RTL4: variants seen among roughly 807,000 people sequenced by gnomAD.
RTL4 encodes retrotransposon Gag-like protein 4.
RTL4 carries 4 observed loss-of-function variants against 5.3 expected under a neutral mutation model. The ratio of observed to expected loss-of-function variants is 0.75; its 90% CI spans 0.37 to 1.72. The LOEUF (loss-of-function observed/expected upper bound fraction) is 1.72. Among genes scored for constraint, RTL4 ranks in the 40% most tolerant of loss-of-function variants. The pLI, the probability that RTL4 is intolerant of heterozygous loss-of-function variation, is 0.04. For missense variants in RTL4, 260 were observed against 227.1 expected (o/e 1.14, Z -0.93); for synonymous variants, 98 against 87.3 (o/e 1.12, Z -0.68).
the RTL4 span, among the ~76,000 whole-genome samples, chrX:112,194,152 A>G: frequency 8.9e-6 from 1 of 112,015 alleles, no homozygotes; most frequent in Non-Finnish European, 1.9e-5. Flanking sequence ...TGCATAACCA[A>G]TAGTTTATCT....
Position 112,455,600 on chromosome X carries a change from G to A in RTL4, c.872G>A (p.Arg291Lys), listed in dbSNP as rs142493701. The change falls in exon 1 of 1, where the codon AGA (arginine) becomes AAA (lysine). Residue 291 changes from arginine to lysine, a missense_variant. Coordinates refer to ENST00000340433, the Ensembl canonical transcript of RTL4. ...TGCAGCCAATCTGGTCACTTCACAA[G>A]AGATTGCCTTGCCAAACGTTCTCGA... The A allele has an allele frequency of 4.3e-5, 52 of 1,209,533 alleles. No individual in the cohort carries two copies. The African/African-American group carries it at 8.4e-4, about 20-fold the overall frequency.
the RTL4 span, among the ~76,000 whole-genome samples, chrX:112,197,479 C>A: frequency 1.9e-5 from 2 of 104,811 alleles, no homozygotes; most frequent in East Asian, 6.1e-4. Context: ...TGTAATGTAG[C>A]CTTTACTGGT....
At chrX:112,225,407 A>G in the RTL4 span, among the ~76,000 whole-genome samples, 1 of 111,824 alleles carries the variant, frequency 8.9e-6, no homozygotes, top group Non-Finnish European at 1.9e-5. Context: ...TTTTGTTGCC[A>G]ACTTCTTTAT....
At chrX:112,310,849 T>A in the RTL4 span, among the ~76,000 whole-genome samples, 2 of 89,444 alleles carry the variant, frequency 2.2e-5, no homozygotes, top group Admixed American at 3.1e-4. Flanking sequence ...ATATATAAAA[T>A]ACATTATATA....
chrX:112,399,040 T>G, the RTL4 span, among the ~76,000 whole-genome samples: 22 of 112,187 alleles, frequency 2.0e-4, no homozygotes, highest in African/African-American at 6.5e-4. Context: ...CCTTGATAGT[T>G]TGTGTCTTTC....
At chrX:112,347,718 C>G in the RTL4 span, among the ~76,000 whole-genome samples, 1 of 111,507 alleles carries the variant, frequency 9.0e-6, no homozygotes, top group East Asian at 2.8e-4. Context: ...GGCTAATCAA[C>G]CATCAAATAA....
At chrX:112,438,848 C>T in the RTL4 span, among the ~76,000 whole-genome samples, 2 of 112,257 alleles carry the variant, frequency 1.8e-5, no homozygotes, top group African/African-American at 6.5e-5. Flanking sequence ...AGCCATTCAA[C>T]TAAGCTGAAT....
At chrX:112,346,525 A>T in the RTL4 span, among the ~76,000 whole-genome samples, 2 of 111,716 alleles carry the variant, frequency 1.8e-5, no homozygotes, top group African/African-American at 6.5e-5. Context: ...GTACAACACA[A>T]AAATGCTTGA....
At chrX:112,357,321 C>T in the RTL4 span, among the ~76,000 whole-genome samples, 1 of 110,616 alleles carries the variant, frequency 9.0e-6, no homozygotes, top group Non-Finnish European at 1.9e-5. Context: ...TTTGGATCAC[C>T]TGCTCACTCC....
At chrX:112,322,945 A>C in the RTL4 span, among the ~76,000 whole-genome samples, 1 of 112,097 alleles carries the variant, frequency 8.9e-6, no homozygotes, top group African/African-American at 3.2e-5. Context: ...CACCCAATAG[A>C]GGAAATTATC....
the RTL4 span, among the ~76,000 whole-genome samples, chrX:112,231,685 A>G: frequency 2.7e-5 from 3 of 110,380 alleles, no homozygotes; most frequent in East Asian, 2.9e-4. Context: ...ACAAACCTGC[A>G]CATTGTGCAC....
At chrX:112,329,458 G>A in the RTL4 span, among the ~76,000 whole-genome samples, 2 of 111,031 alleles carry the variant, frequency 1.8e-5, no homozygotes, top group African/African-American at 6.6e-5. Context: ...GACTAAACCA[G>A]GAAGAAGTTG....
At chrX:112,436,241 A>T in the RTL4 span, among the ~76,000 whole-genome samples, 6 of 110,241 alleles carry the variant, frequency 5.4e-5, no homozygotes, top group Admixed American at 1.9e-4. Flanking sequence ...AAAAAAAACT[A>T]CCATACTAGA....
chrX:112,457,473 T>A (rs991077931), downstream of RTL4, among the ~76,000 whole-genome samples: 1 of 111,579 alleles, frequency 9.0e-6, no homozygotes, highest in Non-Finnish European at 1.9e-5. Context: ...TGGAAGTATC[T>A]TGTTCTACCT....
chrX:112,325,793 T>G, the RTL4 span, among the ~76,000 whole-genome samples: 1 of 112,169 alleles, frequency 8.9e-6, no homozygotes. Context: ...AAGCCAAAAT[T>G]CACAAATGGG....
chrX:112,278,343 T>G, the RTL4 span, among the ~76,000 whole-genome samples: 1 of 112,306 alleles, frequency 8.9e-6, no homozygotes, highest in African/African-American at 3.2e-5. Context: ...TCTAAAACAT[T>G]GGCAGTCAGG....
the RTL4 span, among the ~76,000 whole-genome samples, chrX:112,436,492 A>G: frequency 9.0e-6 from 1 of 111,686 alleles, no homozygotes; most frequent in African/African-American, 3.2e-5. Context: ...GGAAAAATCA[A>G]TAGATCTCAT....
chrX:112,402,400 TTGTGTGTGTGTGTGTGTGTGTG>T, the RTL4 span, among the ~76,000 whole-genome samples: 4 of 87,414 alleles, frequency 4.6e-5, no homozygotes, highest in African/African-American at 8.5e-5. Flanking sequence ...GGAATTATTA[TTGTGTGTGTGTGTGTGTGTGTG>T]TGTGTGTGTG....
At chrX:112,205,294 T>A in the RTL4 span, among the ~76,000 whole-genome samples, 1 of 111,282 alleles carries the variant, frequency 9.0e-6, no homozygotes, top group South Asian at 3.8e-4. Context: ...CATCCTTGTA[T>A]AATTAAGGTT....
Sources: gnomAD v4.1 joint callset for allele counts (sites outside exome capture counted in the v4.1 genomes callset) on GRCh38, gnomAD v4.1.1 for gene constraint, MANE v1.5 for transcripts, NCBI Gene and HGNC (gene_info 2026-07-23, HGNC 2026-07-21) for gene names.